LRRC1: variants seen among roughly 807,000 people sequenced by gnomAD.
LRRC1 encodes the protein leucine rich repeat containing 1, also known as leucine-rich repeat-containing protein 1.
LRRC1 carries 28 observed loss-of-function variants against 69.9 expected under a neutral mutation model. The ratio of observed to expected loss-of-function variants is 0.40; its 90% CI spans 0.30 to 0.55. The LOEUF (loss-of-function observed/expected upper bound fraction) is 0.55, where lower values mean the gene tolerates loss of function less well. Ranked by LOEUF, LRRC1 falls within the 20% of genes least tolerant of loss-of-function variation. The pLI, the probability that LRRC1 is intolerant of heterozygous loss-of-function variation, is 0.47. For synonymous variants in LRRC1, 236 were observed against 240.2 expected (o/e 0.98, Z 0.16); for missense variants, 498 against 609.0 (o/e 0.82, Z 1.92).
At chr6:53,886,896 T>G (rs1321204905) in intron 4 of LRRC1, among the ~76,000 whole-genome samples, 1 of 152,250 alleles carries the variant, frequency 6.6e-6, no homozygotes, top group Non-Finnish European at 1.5e-5. Flanking sequence ...AACTGGTGTA[T>G]GTACTGGGAT....
intron 1 of LRRC1, among the ~76,000 whole-genome samples, chr6:53,819,062 G>C: frequency 6.6e-6 from 1 of 152,166 alleles, no homozygotes; most frequent in East Asian, 1.9e-4. Context: ...CCATGTGGGG[G>C]ATGATCAGAG....
Position 53,896,737 on chromosome 6 carries a change from C to T in LRRC1, c.504-92C>T. On this transcript the variant is annotated intron_variant, in intron 5 of 13. Transcript: ENST00000370888. The stretch of plus-strand genomic sequence containing the variant: ...TTCTACCATAAAAATAAAAATGGAC[C>T]TTATTTTTGAAGCTAGTCCAAGTGA... The T allele has an allele frequency of 4.0e-6, 4 of 1,001,848 alleles. No homozygotes were observed. The Admixed American group carries it at 6.5e-5, about 16-fold the overall frequency. 62.1% of individuals were successfully genotyped at this position (1,001,848 alleles called of 1,614,324 possible). A position where few individuals can be genotyped will look rare whatever the true frequency, so the allele number is the denominator to read the frequency against.
chr6:53,863,557 G>C (rs1766599412), intron 2 of LRRC1, among the ~76,000 whole-genome samples: 1 of 152,162 alleles, frequency 6.6e-6, no homozygotes, highest in East Asian at 1.9e-4. Context: ...GAAGGACTTT[G>C]TTTGTCTTGT....
intron 2 of LRRC1, among the ~76,000 whole-genome samples, chr6:53,850,957 A>C (rs1766108589): frequency 6.6e-6 from 1 of 152,154 alleles, no homozygotes; most frequent in African/African-American, 2.4e-5. Context: ...CACCATTTCT[A>C]TCAACACTCT....
At chr6:53,835,386 A>G (rs1266951691) in intron 1 of LRRC1, among the ~76,000 whole-genome samples, 1 of 152,200 alleles carries the variant, frequency 6.6e-6, no homozygotes, top group Non-Finnish European at 1.5e-5. Flanking sequence ...TTTTAGAGCT[A>G]CAAAGAGCCC....
chr6:53,844,691 A>G (rs764029256), intron 2 of LRRC1, among the ~76,000 whole-genome samples: 19 of 152,042 alleles, frequency 1.2e-4, no homozygotes, highest in Non-Finnish European at 2.6e-4. Flanking sequence ...CTCACTTTCA[A>G]CCTTTCCTTC....
rs1353508577 is a variant in LRRC1, at chr6:53,808,986, TC to T, written c.159+13573del. The stretch of plus-strand genomic sequence containing the variant: ...GACACCCATTCTTTGGTGCTGGATT[TC>T]CTACTTTCAGGATGTAACTTAACAG... On this transcript the variant is annotated intron_variant, in intron 1 of 13. Coordinates refer to ENST00000370888, the MANE Select transcript of LRRC1 (RefSeq NM_018214.5). Among the ~76,000 whole-genome samples, 5 of 152,326 alleles carry T rather than the reference TC, an allele frequency of 3.3e-5. No homozygotes were observed. The East Asian group carries it at 9.6e-4, about 29-fold the overall frequency.
At chr6:53,892,009 TATAC>T (rs1388180579) in intron 4 of LRRC1, among the ~76,000 whole-genome samples, 48 of 74,644 alleles carry the variant, frequency 6.4e-4, no homozygotes, top group Non-Finnish European at 1.0e-3. Flanking sequence ...AATATATATA[TATAC>T]ACACACACAC....
chr6:53,892,460 C>G (rs1767736785), intron 4 of LRRC1, among the ~76,000 whole-genome samples: 1 of 152,182 alleles, frequency 6.6e-6, no homozygotes, highest in African/African-American at 2.4e-5. Flanking sequence ...CCCTCTGTCT[C>G]TCTTGACCTT....
Position 53,795,665 on chromosome 6 carries a change from C to T in LRRC1, c.159+250C>T, listed in dbSNP as rs147609992. On this transcript the variant is annotated intron_variant, in intron 1 of 13. Coordinates refer to ENST00000370888, the MANE Select transcript of LRRC1 (RefSeq NM_018214.5). ...ACTGGGGCTCGTGCTATTGGAGAAG[C>T]GTTCTGGACTGTTAAGTAACTTAGA... Among the ~76,000 whole-genome samples the T allele has an allele frequency of 3.4e-4, 52 of 152,298 alleles. No individual in the cohort carries two copies. The East Asian group carries it at 5.6e-3, about 16-fold the overall frequency.
intron 1 of LRRC1, among the ~76,000 whole-genome samples, chr6:53,840,884 T>TTGTTTG (rs1765759878): frequency 8.0e-6 from 1 of 125,232 alleles, no homozygotes; most frequent in Non-Finnish European, 1.7e-5. Flanking sequence ...GGGTATGTGT[T>TTGTTTG]TGTGTGTGTG....
intron 1 of LRRC1, among the ~76,000 whole-genome samples, chr6:53,815,265 G>T (rs1320393527): frequency 6.6e-6 from 1 of 152,006 alleles, no homozygotes; most frequent in Admixed American, 6.6e-5. Context: ...ATGGGCCTAG[G>T]TTCATGTCTT....
chr6:53,868,949 C>T (rs1280131015), intron 2 of LRRC1, among the ~76,000 whole-genome samples: 4 of 152,188 alleles, frequency 2.6e-5, no homozygotes, highest in Non-Finnish European at 4.4e-5. Context: ...TTCCTCCCTT[C>T]TCAACTCCTG....
At chr6:53,907,128 G>A (rs113995527) in intron 10 of LRRC1, among the ~76,000 whole-genome samples, 1 of 152,214 alleles carries the variant, frequency 6.6e-6, no homozygotes, top group Non-Finnish European at 1.5e-5. Context: ...GTGACTGTGT[G>A]TATGTTAGCT....
At chr6:53,833,513 A>T (rs1476226415) in intron 1 of LRRC1, among the ~76,000 whole-genome samples, 2 of 152,228 alleles carry the variant, frequency 1.3e-5, no homozygotes, top group African/African-American at 2.4e-5. Context: ...AATATTTTGA[A>T]CAAAATAAAT....
At chr6:53,902,820 C>T (rs1220922570) in intron 9 of LRRC1, 73 bp downstream of exon 9, 1 of 924,532 alleles carries the variant, frequency 1.1e-6, no homozygotes, top group Non-Finnish European at 1.6e-6. Flanking sequence ...TTTGAGTGGA[C>T]TAAATGGAAA....
rs755514272 is a variant in LRRC1 at position 53,842,235 on chromosome 6, A to G, written c.277+8A>G. ...TAGATGTGTCTCGAAATGGTAAGAA[A>G]GATTCCACTTGGGTTGCCTATTTGT... On this transcript the variant is annotated splice_region_variant and intron_variant, in intron 2 of 13. Coordinates refer to ENST00000370888, the MANE Select transcript of LRRC1 (RefSeq NM_018214.5). 6.3e-7 allele frequency: 1 copy of G among 1,597,400 alleles called. No homozygotes were observed. The highest frequency in any genetic ancestry group is 1.1e-5 in the South Asian group (1 of 90,292).
intron 11 of LRRC1, among the ~76,000 whole-genome samples, chr6:53,917,730 A>G (rs1768611962): frequency 6.6e-6 from 1 of 152,184 alleles, no homozygotes; most frequent in South Asian, 2.1e-4. Flanking sequence ...TAAACATTCT[A>G]GTGGATGTTA....
chr6:53,831,649 T>G (rs1332520051), intron 1 of LRRC1, among the ~76,000 whole-genome samples: 1 of 152,172 alleles, frequency 6.6e-6, no homozygotes. Context: ...AGAGATAAAG[T>G]CCTTTTCTTT....
Sources: gnomAD v4.1 joint callset for allele counts (sites outside exome capture counted in the v4.1 genomes callset) on GRCh38, gnomAD v4.1.1 for gene constraint, MANE v1.5 for transcripts, NCBI Gene and HGNC (gene_info 2026-07-23, HGNC 2026-07-21) for gene names.